Variants in GRM8 observed in about 807,000 individuals in gnomAD.
GRM8 encodes glutamate metabotropic receptor 8.
In GRM8, 47 loss-of-function variants were observed where a neutral mutation model predicts 87.2. The ratio of observed to expected loss-of-function variants is 0.54; its 90% CI spans 0.43 to 0.69. The LOEUF (loss-of-function observed/expected upper bound fraction) is 0.69. Ranked by LOEUF, GRM8 falls within the 30% of genes least tolerant of loss-of-function variation. The pLI, the probability that GRM8 is intolerant of heterozygous loss-of-function variation, is 0.00. For synonymous variants in GRM8, 396 were observed against 404.5 expected, an observed-to-expected ratio of 0.98 and a Z score of 0.25; for missense variants, 1,019 against 1,139.2, an observed-to-expected ratio of 0.89 and a Z score of 1.52.
intron 7 of GRM8, among the ~76,000 whole-genome samples, chr7:126,733,248 T>G (rs1397305902): frequency 6.6e-6 from 1 of 152,032 alleles, no homozygotes; most frequent in African/African-American, 2.4e-5. Flanking sequence ...ATTTTAACAC[T>G]AATTGATCCA....
chr7:127,143,552 C>T (rs1255697120), intron 2 of GRM8, among the ~76,000 whole-genome samples: 1 of 151,942 alleles, frequency 6.6e-6, no homozygotes, highest in Non-Finnish European at 1.5e-5. Context: ...TCATGACGAC[C>T]CTGTGAGGGA....
At chr7:127,007,303 A>C (rs1814417361) in intron 3 of GRM8, among the ~76,000 whole-genome samples, 1 of 152,020 alleles carries the variant, frequency 6.6e-6, no homozygotes, top group Admixed American at 6.6e-5. Flanking sequence ...TAGAGAATAC[A>C]TTCATCACTC....
At chr7:127,026,330 G>C (rs532399362) in intron 3 of GRM8, among the ~76,000 whole-genome samples, 2 of 152,234 alleles carry the variant, frequency 1.3e-5, no homozygotes, top group East Asian at 3.9e-4. Context: ...TGTCTTTATA[G>C]TAGAATGATT....
At chr7:127,037,885 G>T (rs563282490) in intron 3 of GRM8, among the ~76,000 whole-genome samples, 1 of 151,824 alleles carries the variant, frequency 6.6e-6, no homozygotes. Context: ...TATATATAGT[G>T]TCAGGAAAAA....
chr7:126,590,442 A>G (rs1796572670), intron 8 of GRM8, among the ~76,000 whole-genome samples: 1 of 152,126 alleles, frequency 6.6e-6, no homozygotes, highest in South Asian at 2.1e-4. Context: ...AGGTTTGGAA[A>G]ACATATATGG....
chr7:127,042,370 A>T (rs1463294758), intron 3 of GRM8, among the ~76,000 whole-genome samples: 4 of 152,258 alleles, frequency 2.6e-5, no homozygotes, highest in African/African-American at 7.2e-5. Flanking sequence ...GGCAGGTGCC[A>T]AGGCACAGAG....
intron 7 of GRM8, among the ~76,000 whole-genome samples, chr7:126,710,617 T>A (rs1198498641): frequency 6.6e-6 from 1 of 152,214 alleles, no homozygotes; most frequent in Non-Finnish European, 1.5e-5. Context: ...CAGGCTCTAC[T>A]TTCTAATTCT....
chr7:126,939,087 A>G (rs1013010311), intron 3 of GRM8, among the ~76,000 whole-genome samples: 2 of 152,094 alleles, frequency 1.3e-5, no homozygotes, highest in African/African-American at 4.8e-5. Flanking sequence ...AAATATCTCT[A>G]TCAATCAGAA....
chr7:126,797,358 T>G (rs755351048), intron 6 of GRM8, among the ~76,000 whole-genome samples: 2 of 152,166 alleles, frequency 1.3e-5, no homozygotes, highest in Non-Finnish European at 2.9e-5. Context: ...TTATCATCTA[T>G]TATTTACATT....
At chr7:127,166,402 C>A (rs945825248) in intron 2 of GRM8, among the ~76,000 whole-genome samples, 7 of 152,156 alleles carry the variant, frequency 4.6e-5, no homozygotes, top group African/African-American at 1.7e-4. Flanking sequence ...TAGAGCCTTT[C>A]TTTGCCAGCC....
chr7:127,178,452 C>T (rs1313845049), intron 2 of GRM8, among the ~76,000 whole-genome samples: 1 of 149,190 alleles, frequency 6.7e-6, no homozygotes, highest in African/African-American at 2.5e-5. Flanking sequence ...AGGAAAATTT[C>T]CTTGGCCTTG....
intron 6 of GRM8, among the ~76,000 whole-genome samples, chr7:126,773,055 C>G (rs1585873882): frequency 1.3e-5 from 2 of 152,034 alleles, no homozygotes. Context: ...GAAAAAGATA[C>G]AGAGAGGAGG....
intron 3 of GRM8, among the ~76,000 whole-genome samples, chr7:126,946,984 C>T (rs1807605825): frequency 1.3e-5 from 2 of 152,180 alleles, no homozygotes; most frequent in Non-Finnish European, 2.9e-5. Context: ...ATTGCCCACA[C>T]ACTGTCCAGT....
rs142142623 is a variant in GRM8, at chr7:126,685,328, G to A, written c.1358-75830C>T. 0.016 allele frequency among the ~76,000 whole-genome samples: 2,444 copies of A among 152,228 alleles called. 47 individuals carry two copies. Among genetic ancestry groups the A allele is most frequent in the African/African-American group, 0.045 (1,868 of 41,560 alleles). The stretch of plus-strand genomic sequence containing the variant: ...CAGAGAGGGGACTCGAGGCGGAGCC[G>A]GGCCTGGGGTGGTACCATGCTTCAG... On this transcript the variant is annotated intron_variant, in intron 7 of 10. Transcript: ENST00000339582. The surrounding 1 kb of genome is among the most constrained non-coding windows in gnomAD (Gnocchi z 4.2).
At chr7:127,049,326 C>G (rs1012128749) in intron 3 of GRM8, among the ~76,000 whole-genome samples, 3 of 152,098 alleles carry the variant, frequency 2.0e-5, no homozygotes, top group Non-Finnish European at 4.4e-5. Context: ...CAGTGACAAA[C>G]TGGGTGGCTT....
intron 7 of GRM8, among the ~76,000 whole-genome samples, chr7:126,737,695 A>C (rs1383713436): frequency 6.6e-6 from 1 of 152,044 alleles, no homozygotes; most frequent in Non-Finnish European, 1.5e-5. Context: ...ATGACCATTA[A>C]GTTTTTCATT....
At chr7:126,788,195 AG>A (rs1234415660) in intron 6 of GRM8, among the ~76,000 whole-genome samples, 2 of 151,912 alleles carry the variant, frequency 1.3e-5, no homozygotes, top group Admixed American at 6.6e-5. Flanking sequence ...GGATTACCTG[AG>A]GTCAGGATTT....
chr7:126,926,188 G>C (rs1805096670), intron 3 of GRM8, among the ~76,000 whole-genome samples: 1 of 152,102 alleles, frequency 6.6e-6, no homozygotes, highest in South Asian at 2.1e-4. Context: ...GATTATTAGT[G>C]TAAGCTATCA....
At chr7:126,577,995 G>A (rs1283451577) in intron 8 of GRM8, among the ~76,000 whole-genome samples, 1 of 151,752 alleles carries the variant, frequency 6.6e-6, no homozygotes, top group Non-Finnish European at 1.5e-5. Flanking sequence ...TATGTTTTTA[G>A]TGTAAATCAA....
Sources: allele counts gnomAD v4.1 joint callset (sites outside exome capture counted in the v4.1 genomes callset), GRCh38; gene constraint gnomAD v4.1.1; non-coding constraint Gnocchi (gnomAD v3.1); transcripts MANE v1.5; gene names NCBI Gene and HGNC (gene_info 2026-07-23, HGNC 2026-07-21).